SLC13A5: variants seen among roughly 807,000 people sequenced by gnomAD.
The protein encoded by SLC13A5 is solute carrier family 13 member 5.
A neutral mutation model predicts 56.5 loss-of-function variants in SLC13A5; 25 were observed. The ratio of observed to expected loss-of-function variants is 0.44; its 90% CI spans 0.32 to 0.62. The LOEUF (loss-of-function observed/expected upper bound fraction) is 0.62. Among genes scored for constraint, SLC13A5 ranks in the 20% least tolerant of loss-of-function variants. The pLI, the probability that SLC13A5 is intolerant of heterozygous loss-of-function variation, is 0.04. For missense variants in SLC13A5, 649 were observed against 737.8 expected (o/e 0.88, Z 1.39); for synonymous variants, 307 against 301.5 (o/e 1.02, Z -0.19).
At position 6,686,022 on chromosome 17, in the gene SLC13A5, C is replaced by G. The variant is rs929028447; in HGVS notation, c.*185G>C. 5 of 795,530 alleles carry G rather than the reference C, an allele frequency of 6.3e-6. No homozygotes were observed. The highest frequency in any genetic ancestry group is 1.0e-5 in the Non-Finnish European group (5 of 496,368). 49.3% of individuals were successfully genotyped at this position (795,530 alleles called of 1,614,324 possible). Reference sequence around the variant, plus strand: ...CTTCATTTCTGAGCCTACCCTCCAGCTGCCCATGACCATCTCTGCATCTGG... The same window carrying G: ...CTTCATTTCTGAGCCTACCCTCCAGGTGCCCATGACCATCTCTGCATCTGG... On this transcript the variant is annotated 3_prime_UTR_variant, in exon 12 of 12. Coordinates refer to ENST00000433363, the MANE Select transcript of SLC13A5 (RefSeq NM_177550.5).
intron 6 of SLC13A5, among the ~76,000 whole-genome samples, chr17:6,700,545 GA>G (rs1973682240): frequency 6.6e-6 from 1 of 152,212 alleles, no homozygotes; most frequent in Non-Finnish European, 1.5e-5. Context: ...GGCACGTGGG[GA>G]CCAGCTTATC....
chr17:6,687,673 A>G lies in SLC13A5; in HGVS notation c.1438-7T>C, dbSNP rs759051980. 3.1e-6 allele frequency: 5 copies of G among 1,589,774 alleles called. No homozygotes were observed. In the South Asian group the frequency reaches 5.8e-5, roughly 18 times the overall value. On this transcript the variant is annotated splice_region_variant and splice_polypyrimidine_tract_variant and intron_variant, in intron 10 of 11. Coordinates refer to ENST00000433363, the MANE Select transcript of SLC13A5 (RefSeq NM_177550.5). The surrounding 1 kb of genome is among the most constrained non-coding windows in gnomAD (Gnocchi z 5.0). ...TGAGGCCGATGGAGCGAGACTGCGG[A>G]AAAACAGCACTGCAACATCACCGTA... is the stretch of plus-strand genomic sequence containing the variant.
chr17:6,702,687 C>A lies in SLC13A5; in HGVS notation c.716+283G>T, dbSNP rs560058347. ...CTCTCTGAGCCAGAGTCCCTGACCC[C>A]AGGGGAGGTGGTGGGTCTTGCATCA... On this transcript the variant is annotated intron_variant, in intron 5 of 11. Transcript: ENST00000433363. Among the ~76,000 whole-genome samples, 630 of 152,356 alleles carry A rather than the reference C, an allele frequency of 4.1e-3. 8 individuals are homozygous for A. The highest frequency in any genetic ancestry group is 0.014 in the African/African-American group (601 of 41,588).
chr17:6,703,851 C>T (rs1314471415), intron 4 of SLC13A5, 27 bp downstream of exon 4: 1 of 1,508,646 alleles, frequency 6.6e-7, no homozygotes, highest in Middle Eastern at 1.8e-4. Flanking sequence ...CTGTTGTGGC[C>T]TGGCAGTGCC....
In SLC13A5 at chr17:6,686,082, T is replaced by C; in HGVS notation, c.*125A>G. On this transcript the variant is annotated 3_prime_UTR_variant, in exon 12 of 12. Transcript: ENST00000433363. ...AAGAGGTGGCCCATTGGCTGGGTTT[T>C]GGTGGTGTGTGGACATCGTTGGGTC... The C allele has an allele frequency of 7.2e-7, 1 of 1,395,506 alleles. No homozygotes were observed. Among genetic ancestry groups the C allele is most frequent in the South Asian group, 1.3e-5 (1 of 76,090 alleles). The allele number at this position is 1,395,506 out of a possible 1,614,324, so 86.4% of individuals were successfully genotyped here. A position where few individuals can be genotyped will look rare whatever the true frequency, so the allele number is the denominator to read the frequency against.
intron 11 of SLC13A5, chr17:6,686,879 T>A (rs1472055368): frequency 6.4e-6 from 1 of 156,552 alleles, no homozygotes; most frequent in Non-Finnish European, 1.4e-5. Flanking sequence ...GCTCATGGAG[T>A]CCCTGAGATA....
intron 1 of SLC13A5, among the ~76,000 whole-genome samples, chr17:6,708,074 G>A (rs1192393681): frequency 1.3e-5 from 2 of 152,152 alleles, no homozygotes; most frequent in Non-Finnish European, 2.9e-5. Flanking sequence ...CCGGGTTCAA[G>A]CGATTCTCCT....
In SLC13A5 at chr17:6,711,795, C is replaced by A. The variant is rs1974046972; in HGVS notation, c.102+1437G>T. 1.3e-5 allele frequency among the ~76,000 whole-genome samples: 2 copies of A among 152,024 alleles called. No individual in the cohort carries two copies. The highest frequency in any genetic ancestry group is 6.5e-5 in the Admixed American group (1 of 15,274). ...TATAATCATTCCAGGGAACATCACT[C>A]CCTACCAGCAGAGCTGAAATCGCAG... is the stretch of plus-strand genomic sequence containing the variant. On this transcript the variant is annotated intron_variant, in intron 1 of 11. Coordinates refer to ENST00000433363, the MANE Select transcript of SLC13A5 (RefSeq NM_177550.5). The surrounding 1 kb of genome is among the most constrained non-coding windows in gnomAD (Gnocchi z 4.0).
Position 6,695,811 on chromosome 17 carries a change from A to G in SLC13A5, c.970T>C (p.Phe324Leu), listed in dbSNP as rs146116408. 3.7e-6 allele frequency: 6 copies of G among 1,614,098 alleles called. No individual in the cohort carries two copies. In the African/African-American group the frequency reaches 6.7e-5, roughly 18 times the overall value. ...FAEINVLICFFLLVILWFSRD... is the reference protein window; with the variant it reads ...FAEINVLICFLLLVILWFSRD... ...GAGAACCACAGGATGACCAGCAGGA[A>G]GAAGCAGATCAGCACGTTGATCTCC... Residue 324 changes from phenylalanine (F) to leucine (L), a missense_variant, in exon 7 of 12, where the codon TTC becomes CTC. Phe to Leu is a conservative substitution (Grantham distance 22). Transcript: ENST00000433363.
Position 6,701,075 on chromosome 17 carries a change from A to G in SLC13A5, c.768T>C (p.Phe256=). ...GCATCACCAGCATGTTGGGAAAGGC[A>G]AATGCAAACCAGGAAGCAAAGTTCA... The part of the protein sequence containing the change: ...DLVNFASWFA[F]AFPNMLVMLL... The change falls in exon 6 of 12, where the codon TTT becomes TTC. Residue 256 remains phenylalanine, a synonymous_variant. Coordinates refer to ENST00000433363, the MANE Select transcript of SLC13A5 (RefSeq NM_177550.5). The surrounding 1 kb of genome is among the most constrained non-coding windows in gnomAD (Gnocchi z 4.1). The G allele has an allele frequency of 2.5e-6, 4 of 1,614,244 alleles. No individual in the cohort carries two copies. Among genetic ancestry groups the G allele is most frequent in the Non-Finnish European group, 1.7e-6 (2 of 1,180,044 alleles).
At chr17:6,702,882 C>A in intron 5 of SLC13A5, 88 bp downstream of exon 5, 1 of 1,529,366 alleles carries the variant, frequency 6.5e-7, no homozygotes, top group Non-Finnish European at 8.9e-7. Flanking sequence ...CTTTCCAGGA[C>A]TCTGCAGAGG....
chr17:6,695,043 A>G (rs1204549044), intron 7 of SLC13A5, among the ~76,000 whole-genome samples: 2 of 152,192 alleles, frequency 1.3e-5, no homozygotes, highest in Non-Finnish European at 2.9e-5. Flanking sequence ...TGTGAAGATG[A>G]GAAAGGGAAG....
Position 6,711,128 on chromosome 17 carries a change from G to T in SLC13A5, c.102+2104C>A, listed in dbSNP as rs1468469020. ...GCCCTGGGAGTCACCTCCTGGCAAG[G>T]ACTGTGTTGCTCAGGCTGCCAAGGT... On this transcript the variant is annotated intron_variant, in intron 1 of 11. Coordinates refer to ENST00000433363, the MANE Select transcript of SLC13A5 (RefSeq NM_177550.5). This position sits in a 1 kb window ranked among gnomAD's most constrained non-coding sequence, Gnocchi z 4.0. Among the ~76,000 whole-genome samples the T allele has an allele frequency of 6.6e-6, 1 of 152,054 alleles. No individual in the cohort carries two copies. Among genetic ancestry groups the T allele is most frequent in the Non-Finnish European group, 1.5e-5 (1 of 67,994 alleles).
chr17:6,706,720 G>A lies in SLC13A5; in HGVS notation c.290C>T (p.Ala97Val). The A allele has an allele frequency of 6.2e-7, 1 of 1,614,044 alleles. No homozygotes were observed. Among genetic ancestry groups the A allele is most frequent in the Non-Finnish European group, 8.5e-7 (1 of 1,179,990 alleles). Reference protein sequence around the residue: ...NMLFLGGLIVAVAVERWNLHK... With the variant: ...NMLFLGGLIVVVAVERWNLHK... ...CAGGTTCCAGCGCTCCACAGCCACG[G>A]CCACGATGAGGCCGCCCAGGAACAG... Residue 97 changes from alanine (A) to valine (V), a missense_variant, in exon 3 of 12, where the codon GCC (alanine) becomes GTC (valine). Transcript: ENST00000433363.
At chr17:6,689,257 C>T (rs1973329467) in intron 10 of SLC13A5, 1 of 152,248 alleles carries the variant, frequency 6.6e-6, no homozygotes, top group African/African-American at 2.4e-5. Flanking sequence ...CACGCAGGGG[C>T]CCAGCTCTTC....
intron 6 of SLC13A5, among the ~76,000 whole-genome samples, chr17:6,697,280 G>C: frequency 6.6e-6 from 1 of 152,164 alleles, no homozygotes; most frequent in East Asian, 1.9e-4. Flanking sequence ...AGCATAAGGG[G>C]TGACCTTGGT....
intron 7 of SLC13A5, among the ~76,000 whole-genome samples, chr17:6,695,070 T>C (rs934117942): frequency 2.0e-4 from 30 of 152,064 alleles, no homozygotes; most frequent in Admixed American, 5.9e-4. Flanking sequence ...GAGCAGAGAT[T>C]TGGAAACTAG....
chr17:6,691,014 C>A lies in SLC13A5; in HGVS notation c.1276-74G>T, dbSNP rs1279682896. On this transcript the variant is annotated intron_variant, in intron 9 of 11. Transcript: ENST00000433363. ...TCCTTCAGGGCCAGGGCAAGCTTGG[C>A]CCATCCTCCCCTCCCGACCCTCTCT... 5 of 1,503,744 alleles carry A rather than the reference C, an allele frequency of 3.3e-6. No homozygotes were observed. In the East Asian group the frequency reaches 1.1e-4, roughly 34 times the overall value. 93.2% of individuals were successfully genotyped at this position (1,503,744 alleles called of 1,614,324 possible). A position where few individuals can be genotyped will look rare whatever the true frequency, so the allele number is the denominator to read the frequency against.
intron 6 of SLC13A5, among the ~76,000 whole-genome samples, chr17:6,698,062 C>T (rs1357951636): frequency 6.6e-6 from 1 of 152,218 alleles, no homozygotes. Flanking sequence ...CAGGACGTGG[C>T]CTGGGCCAGA....
Sources: gnomAD v4.1 joint callset for allele counts (sites outside exome capture counted in the v4.1 genomes callset) on GRCh38, gnomAD v4.1.1 for gene constraint, Gnocchi (gnomAD v3.1) non-coding constraint, MANE v1.5 for transcripts, NCBI Gene and HGNC (gene_info 2026-07-23, HGNC 2026-07-21) for gene names.